The following CXADR variants were observed in gnomAD, a reference collection of about 807,000 sequenced individuals.
CXADR encodes CXADR cell adhesion molecule.
A neutral mutation model predicts 40.3 loss-of-function variants in CXADR; 20 were observed. The ratio of observed to expected loss-of-function variants is 0.50; its 90% CI spans 0.35 to 0.72. CXADR has a LOEUF of 0.72. Among genes scored for constraint, CXADR ranks in the 30% least tolerant of loss-of-function variants. CXADR has a pLI of 0.01. For synonymous variants in CXADR, 150 were observed against 161.3 expected (o/e 0.93, Z 0.53); for missense variants, 332 against 449.1 (o/e 0.74, Z 2.36).
At chr21:17,547,304 C>G in intron 2 of CXADR, 111 bp downstream of exon 2, 1 of 1,457,608 alleles carries the variant, frequency 6.9e-7, no homozygotes, top group East Asian at 2.4e-5. Context: ...AAGGAAGCCC[C>G]CCAACTTCTC....
At position 17,528,315 on chromosome 21, in the gene CXADR, T is replaced by G. The variant is rs995040954; in HGVS notation, c.43+15143T>G. Among the ~76,000 whole-genome samples, 20 of 151,944 alleles carry G rather than the reference T, an allele frequency of 1.3e-4. 1 individual carries two copies. The highest frequency in any genetic ancestry group is 1.3e-3 in the Admixed American group (20 of 15,252). ...GGTCTCAATTTCCTGACCTCGTGAT[T>G]CGCCTGCCTTGGCCTCCCAAAGTGC... On this transcript the variant is annotated intron_variant, in intron 1 of 6. Coordinates refer to ENST00000284878, the MANE Select transcript of CXADR (RefSeq NM_001338.5).
chr21:17,561,510 A>T lies in CXADR; in HGVS notation c.833+34A>T, dbSNP rs2824359. The T allele has an allele frequency of 4.5e-6, 7 of 1,563,764 alleles. No individual in the cohort carries two copies. The South Asian group carries it at 8.2e-5, about 18-fold the overall frequency. On this transcript the variant is annotated intron_variant, in intron 6 of 6. Coordinates refer to ENST00000284878, the MANE Select transcript of CXADR (RefSeq NM_001338.5). Reference sequence around the variant, plus strand: ...GTGAGACAGGAGTTGACTGATGTATACCAAATATATGTCATTTCTCTAAAG... The same window carrying T: ...GTGAGACAGGAGTTGACTGATGTATTCCAAATATATGTCATTTCTCTAAAG...
At chr21:17,597,309 G>C (rs998919338), downstream of CXADR, among the ~76,000 whole-genome samples, 2 of 151,670 alleles carry the variant, frequency 1.3e-5, no homozygotes, top group African/African-American at 4.8e-5. Context: ...AAAATTCTGA[G>C]GTAAAATTGC....
At chr21:17,559,184 T>C (rs535909291) in intron 4 of CXADR, 53 bp downstream of exon 4, 243 of 1,575,986 alleles carry the variant, frequency 1.5e-4, no homozygotes, top group Non-Finnish European at 2.0e-4. Context: ...GACTAAGATC[T>C]AGTAGGGGTG....
chr21:17,593,794 G>A (rs2061466357), downstream of CXADR: 1 of 264,168 alleles, frequency 3.8e-6, no homozygotes, highest in Non-Finnish European at 7.0e-6. Context: ...AGAACAAATC[G>A]TCCACTTCTA....
rs2061242707 is a variant in CXADR at position 17,568,473 on chromosome 21, C to T, written c.*2781C>T. The stretch of plus-strand genomic sequence containing the variant: ...AAAGCCATTTTATTCTACTTTATAA[C>T]TGAGAGACTTGATACCATCCATCTC... On this transcript the variant is annotated 3_prime_UTR_variant, in exon 7 of 7. Transcript: ENST00000284878. 6 of 976,060 alleles carry T rather than the reference C, an allele frequency of 6.1e-6. No individual in the cohort carries two copies. The highest frequency in any genetic ancestry group is 7.2e-6 in the Non-Finnish European group (6 of 827,700). 60.5% of individuals were successfully genotyped at this position (976,060 alleles called of 1,614,324 possible).
At chr21:17,555,682 C>T (rs1243932508) in intron 3 of CXADR, among the ~76,000 whole-genome samples, 2 of 152,060 alleles carry the variant, frequency 1.3e-5, no homozygotes, top group East Asian at 1.9e-4. Flanking sequence ...TATTGTTAAT[C>T]GTGATCGCTT....
At position 17,559,205 on chromosome 21, in the gene CXADR, T is replaced by C; in HGVS notation, c.571+74T>C. ...GATCTAGTAGGGGTGTGTGTGTGAT[T>C]TGAGATAGGGCCTTGCTCTGTCACC... On this transcript the variant is annotated intron_variant, in intron 4 of 6. Transcript: ENST00000284878. 4 of 1,486,206 alleles carry C rather than the reference T, an allele frequency of 2.7e-6. No individual in the cohort carries two copies. The Admixed American group carries it at 6.8e-5, about 25-fold the overall frequency. 92.1% of individuals were successfully genotyped at this position (1,486,206 alleles called of 1,614,324 possible). A position where few individuals can be genotyped will look rare whatever the true frequency, so the allele number is the denominator to read the frequency against.
chr21:17,565,361 A>T, intron 6 of CXADR, 67 bp from the exon 7 acceptor site: 1 of 1,517,536 alleles, frequency 6.6e-7, no homozygotes, highest in Non-Finnish European at 9.0e-7. Context: ...CATGATTCAT[A>T]GCTTGCATAA....
intron 1 of CXADR, among the ~76,000 whole-genome samples, chr21:17,533,755 G>A (rs2060707633): frequency 6.6e-6 from 1 of 151,856 alleles, no homozygotes; most frequent in Non-Finnish European, 1.5e-5. Context: ...ATTTCCTGGG[G>A]GCCTGCTTTT....
the CXADR span, among the ~76,000 whole-genome samples, chr21:17,633,972 T>G: frequency 1.3e-5 from 2 of 152,334 alleles, no homozygotes; most frequent in African/African-American, 4.8e-5. Flanking sequence ...TGTTTATAGA[T>G]TCGAATTCTC....
At chr21:17,601,674 A>G in the CXADR span, among the ~76,000 whole-genome samples, 1 of 152,248 alleles carries the variant, frequency 6.6e-6, no homozygotes, top group Non-Finnish European at 1.5e-5. Flanking sequence ...GGAAGACTCA[A>G]CAAATTTCAA....
At chr21:17,542,331 A>C (rs553867571) in intron 1 of CXADR, among the ~76,000 whole-genome samples, 1 of 152,252 alleles carries the variant, frequency 6.6e-6, no homozygotes, top group Non-Finnish European at 1.5e-5. Flanking sequence ...TTATCAGTTC[A>C]TAACATTACC....
chr21:17,543,105 TA>T (rs541548852), intron 1 of CXADR: 8 of 326,584 alleles, frequency 2.4e-5, no homozygotes, highest in South Asian at 1.7e-4. Flanking sequence ...TAAAAGTCAT[TA>T]AAAAATCGTT....
chr21:17,623,692 C>T, the CXADR span, among the ~76,000 whole-genome samples: 1 of 152,178 alleles, frequency 6.6e-6, no homozygotes, highest in Non-Finnish European at 1.5e-5. Context: ...CTTGTTTGCC[C>T]TTGTCCCACA....
At chr21:17,571,681 T>C (rs2061278575), downstream of CXADR, among the ~76,000 whole-genome samples, 1 of 152,150 alleles carries the variant, frequency 6.6e-6, no homozygotes, top group Non-Finnish European at 1.5e-5. Context: ...AAAATGTAAG[T>C]CAAACATACT....
intron 6 of CXADR, among the ~76,000 whole-genome samples, chr21:17,563,417 G>A (rs2061151294): frequency 6.6e-6 from 1 of 151,904 alleles, no homozygotes. Context: ...CTGAGGGAGG[G>A]GTGAGAGATG....
At chr21:17,619,165 C>T in the CXADR span, among the ~76,000 whole-genome samples, 30,161 of 152,052 alleles carry the variant, frequency 0.2, 3,549 homozygotes, top group African/African-American at 0.31. Context: ...CTAGGGTTTT[C>T]AGAATGGTAA....
At chr21:17,608,084 T>TGCAA in the CXADR span, among the ~76,000 whole-genome samples, 4 of 152,160 alleles carry the variant, frequency 2.6e-5, no homozygotes, top group Non-Finnish European at 4.4e-5. Flanking sequence ...CCCAGAACCT[T>TGCAA]GGCCAGGCAT....
Sources: allele counts gnomAD v4.1 joint callset (sites outside exome capture counted in the v4.1 genomes callset), GRCh38; gene constraint gnomAD v4.1.1; transcripts MANE v1.5; gene names NCBI Gene and HGNC (gene_info 2026-07-23, HGNC 2026-07-21).